The following SPATA6L variants were observed in gnomAD, a reference collection of about 807,000 sequenced individuals.
The protein encoded by SPATA6L is spermatogenesis associated 6 like, also known as spermatogenesis associated 6-like protein.
In SPATA6L, 68 loss-of-function variants were observed where a neutral mutation model predicts 49.2. The observed-to-expected ratio is 1.38, with a 90% CI of 1.14 to 1.69. The LOEUF is 1.69. SPATA6L is among the 40% of genes most tolerant of loss of function. The pLI is 0.00. For missense variants in SPATA6L, 668 were observed against 464.3 expected (o/e 1.44, Z -4.03); for synonymous variants, 198 against 165.7 (o/e 1.19, Z -1.50).
At chr9:4,638,110 A>G (rs1223614364) in intron 3 of SPATA6L, among the ~76,000 whole-genome samples, 2 of 152,266 alleles carry the variant, frequency 1.3e-5, no homozygotes. Context: ...AATTATACAA[A>G]TAAAGGTATA....
chr9:4,591,823 T>G lies in SPATA6L; in HGVS notation c.*255-2862A>C, dbSNP rs375214467. Among the ~76,000 whole-genome samples, 10 of 152,206 alleles carry G rather than the reference T, an allele frequency of 6.6e-5. No homozygotes were observed. The East Asian group carries it at 1.7e-3, about 26-fold the overall frequency. ...GCTTTTCTCACCACTGTGAAAATGT[T>G]TGCTTCTATATCAATCCAGGCAGAC... On this transcript the variant is annotated intron_variant and NMD_transcript_variant, in intron 13 of 13. Transcript: ENST00000461761.
chr9:4,636,136 A>G (rs1361492539), intron 3 of SPATA6L, among the ~76,000 whole-genome samples: 1 of 152,008 alleles, frequency 6.6e-6, no homozygotes, highest in Non-Finnish European at 1.5e-5. Context: ...TAATTTGGAA[A>G]TACACTGAAT....
At chr9:4,660,211 A>G (rs1839287137) in intron 2 of SPATA6L, among the ~76,000 whole-genome samples, 1 of 152,248 alleles carries the variant, frequency 6.6e-6, no homozygotes, top group African/African-American at 2.4e-5. Context: ...GCTTCTGCAC[A>G]GCAAAAGAAA....
At chr9:4,626,832 C>A in intron 5 of SPATA6L, 1 of 199,576 alleles carries the variant, frequency 5.0e-6, no homozygotes, top group Non-Finnish European at 1.1e-5. Flanking sequence ...TACCTGAGGA[C>A]ATGAGAAAAT....
rs760510902 is a variant in SPATA6L, at chr9:4,604,241, A to T, written c.1118T>A (p.Ile373Asn). 6 of 1,611,562 alleles carry T rather than the reference A, an allele frequency of 3.7e-6. No homozygotes were observed. Among genetic ancestry groups the T allele is most frequent in the Middle Eastern group, 1.7e-4 (1 of 6,046 alleles). ...KEDSTSEVNYIIERPSYPLKK... is the reference protein window; with the variant it reads ...KEDSTSEVNYNIERPSYPLKK... ...CAGAGGGTAGCTTGGTCTTTCAATG[A>T]TATAATTTACTTCAGAGGTAGAATC... is the stretch of plus-strand genomic sequence containing the variant. Residue 373 changes from isoleucine (I) to asparagine (N), a missense_variant, in exon 11 of 12, where the codon ATC becomes AAC. By Grantham distance (149) the Ile-to-Asn change is moderately radical. Coordinates refer to ENST00000682582, the MANE Select transcript of SPATA6L (RefSeq NM_001353486.2).
At chr9:4,597,664 G>A (rs1348877587), downstream of SPATA6L, among the ~76,000 whole-genome samples, 1 of 152,210 alleles carries the variant, frequency 6.6e-6, no homozygotes, top group African/African-American at 2.4e-5. Flanking sequence ...GGGGCTCCCA[G>A]GCCAAAGGAG....
chr9:4,642,262 T>A (rs959643380), intron 3 of SPATA6L, among the ~76,000 whole-genome samples: 6 of 152,226 alleles, frequency 3.9e-5, no homozygotes, highest in African/African-American at 1.4e-4. Context: ...TAAAATATAA[T>A]GTGCCAGCAG....
chr9:4,636,312 C>T (rs1427808255), intron 3 of SPATA6L, among the ~76,000 whole-genome samples: 2 of 152,024 alleles, frequency 1.3e-5, no homozygotes, highest in Admixed American at 6.6e-5. Context: ...TTTCATTTTT[C>T]CTTTATATTA....
At chr9:4,651,883 C>G (rs1459009436) in intron 3 of SPATA6L, among the ~76,000 whole-genome samples, 1 of 152,064 alleles carries the variant, frequency 6.6e-6, no homozygotes, top group Non-Finnish European at 1.5e-5. Flanking sequence ...TCCCTACTAT[C>G]AGGAAATAGA....
intron 3 of SPATA6L, among the ~76,000 whole-genome samples, chr9:4,653,667 T>A (rs1837430526): frequency 6.6e-6 from 1 of 152,184 alleles, no homozygotes; most frequent in Admixed American, 6.5e-5. Flanking sequence ...CAGCGGCTCA[T>A]GTCTGTAACC....
intron 3 of SPATA6L, among the ~76,000 whole-genome samples, chr9:4,638,506 C>T (rs542276760): frequency 7.2e-5 from 11 of 152,108 alleles, no homozygotes; most frequent in Non-Finnish European, 1.5e-4. Flanking sequence ...AGCCACCACG[C>T]CCAGCCAATG....
At chr9:4,639,178 C>A (rs769072008) in intron 3 of SPATA6L, among the ~76,000 whole-genome samples, 4 of 152,198 alleles carry the variant, frequency 2.6e-5, no homozygotes, top group Non-Finnish European at 5.9e-5. Context: ...CTCCCTGACA[C>A]CAGCCCAGCA....
chr9:4,596,200 T>TGTGAC (rs532972196), downstream of SPATA6L, among the ~76,000 whole-genome samples: 30 of 152,258 alleles, frequency 2.0e-4, no homozygotes, highest in African/African-American at 7.0e-4. Context: ...CACCCCTTAG[T>TGTGAC]GTGACCCCTC....
intron 4 of SPATA6L, among the ~76,000 whole-genome samples, chr9:4,629,794 T>TATATATATATATATATATATAC: frequency 6.8e-6 from 1 of 146,390 alleles, no homozygotes; most frequent in African/African-American, 2.5e-5. Flanking sequence ...TATATATATA[T>TATATATATATATATATATATAC]ATATGCCCTA....
In SPATA6L at chr9:4,662,707, T is replaced by C. The variant is rs762819797; in HGVS notation, c.40-671A>G. On this transcript the variant is annotated intron_variant, in intron 1 of 11. Transcript: ENST00000682582. This position sits in a 1 kb window ranked among gnomAD's most constrained non-coding sequence, Gnocchi z 4.9. The stretch of plus-strand genomic sequence containing the variant: ...CTGCGCTCCCTGCTGGCCATCGACC[T>C]GTGGCTGTCCAAGAAGCTGGGGGTG... 6.2e-7 allele frequency: 1 copy of C among 1,601,840 alleles called. No individual in the cohort carries two copies. Among genetic ancestry groups the C allele is most frequent in the Non-Finnish European group, 8.5e-7 (1 of 1,179,878 alleles).
At chr9:4,602,992 T>C (rs1823741890) in intron 11 of SPATA6L, among the ~76,000 whole-genome samples, 1 of 152,172 alleles carries the variant, frequency 6.6e-6, no homozygotes. Flanking sequence ...GCGATTATTA[T>C]TCTGGGCTTG....
intron 9 of SPATA6L, among the ~76,000 whole-genome samples, chr9:4,612,532 T>G (rs1827009891): frequency 6.6e-6 from 1 of 152,238 alleles, no homozygotes; most frequent in Non-Finnish European, 1.5e-5. Context: ...AAGTCCTTTC[T>G]GAGCCCTCTC....
chr9:4,615,344 C>G (rs1281399537), intron 9 of SPATA6L, among the ~76,000 whole-genome samples: 1 of 152,074 alleles, frequency 6.6e-6, no homozygotes, highest in Non-Finnish European at 1.5e-5. Flanking sequence ...TGTTAGTGTT[C>G]CCATTGCTGG....
Position 4,662,538 on chromosome 9 carries a change from T to TG in SPATA6L, c.40-503dup. 7 of 1,568,136 alleles carry TG rather than the reference T, an allele frequency of 4.5e-6. No individual in the cohort carries two copies. Among genetic ancestry groups the TG allele is most frequent in the Non-Finnish European group, 6.0e-6 (7 of 1,166,628 alleles). The stretch of plus-strand genomic sequence containing the variant: ...CCGCGCCACGGCCGTGGACCCCACC[T>TG]GCGCCCGGCTCCGTGCATCGGAGAG... On this transcript the variant is annotated intron_variant, in intron 1 of 11. Transcript: ENST00000682582. This position sits in a 1 kb window ranked among gnomAD's most constrained non-coding sequence, Gnocchi z 4.9.
Sources: allele counts gnomAD v4.1 joint callset (sites outside exome capture counted in the v4.1 genomes callset), GRCh38; gene constraint gnomAD v4.1.1; non-coding constraint Gnocchi (gnomAD v3.1); transcripts MANE v1.5; gene names NCBI Gene and HGNC (gene_info 2026-07-23, HGNC 2026-07-21).